Variants in CACHD1 observed in about 807,000 individuals in gnomAD.
CACHD1 encodes the protein cache domain containing 1.
In CACHD1, 71 loss-of-function variants were observed where a neutral mutation model predicts 138.7. The observed-to-expected ratio is 0.51, with a 90% CI of 0.42 to 0.62. CACHD1 has a LOEUF of 0.62. Among genes scored for constraint, CACHD1 ranks in the 20% least tolerant of loss-of-function variants. CACHD1 has a pLI of 0.00. For missense variants in CACHD1, 1,389 were observed against 1,625.3 expected, an observed-to-expected ratio of 0.85 and a Z score of 2.50; for synonymous variants, 578 against 591.5, an observed-to-expected ratio of 0.98 and a Z score of 0.33.
chr1:64,528,083 T>C (rs373939732), intron 1 of CACHD1, among the ~76,000 whole-genome samples: 108 of 152,344 alleles, frequency 7.1e-4, no homozygotes, highest in African/African-American at 2.4e-3. Flanking sequence ...GCAGCACTAC[T>C]TGAGAATTTT....
At chr1:64,627,765 A>T (rs1294257362) in intron 4 of CACHD1, among the ~76,000 whole-genome samples, 1 of 152,190 alleles carries the variant, frequency 6.6e-6, no homozygotes, top group African/African-American at 2.4e-5. Context: ...TATGTTCAAG[A>T]CATGATCTTA....
At chr1:64,656,346 G>A (rs1020071111) in intron 12 of CACHD1, among the ~76,000 whole-genome samples, 1 of 152,090 alleles carries the variant, frequency 6.6e-6, no homozygotes, top group African/African-American at 2.4e-5. Context: ...TAGAATGATA[G>A]CACCATCTGC....
At chr1:64,662,951 C>T (rs1649491041) in intron 13 of CACHD1, among the ~76,000 whole-genome samples, 1 of 152,166 alleles carries the variant, frequency 6.6e-6, no homozygotes, top group South Asian at 2.1e-4. Context: ...AGTTAATACT[C>T]ATTTGCTTTA....
chr1:64,597,699 C>T (rs1441004976), intron 3 of CACHD1, among the ~76,000 whole-genome samples: 2 of 151,804 alleles, frequency 1.3e-5, no homozygotes, highest in African/African-American at 2.4e-5. Flanking sequence ...TCATTACTAA[C>T]TTTTTAAAAG....
intron 2 of CACHD1, among the ~76,000 whole-genome samples, chr1:64,564,377 G>A (rs1232246983): frequency 2.6e-5 from 4 of 151,864 alleles, no homozygotes; most frequent in African/African-American, 9.7e-5. Context: ...CATAACTTGT[G>A]TCGCCACCCC....
At chr1:64,570,040 C>T (rs1219321654) in intron 2 of CACHD1, among the ~76,000 whole-genome samples, 2 of 152,158 alleles carry the variant, frequency 1.3e-5, no homozygotes, top group Non-Finnish European at 2.9e-5. Context: ...CCTAAAATGG[C>T]CGCACCCACT....
At chr1:64,643,590 AC>A (rs1648800468) in intron 8 of CACHD1, among the ~76,000 whole-genome samples, 1 of 152,150 alleles carries the variant, frequency 6.6e-6, no homozygotes, top group South Asian at 2.1e-4. Flanking sequence ...TAATCCCAGC[AC>A]TTTGGGAGGC....
intron 15 of CACHD1, among the ~76,000 whole-genome samples, 186 bp from the exon 16 acceptor site, chr1:64,665,871 G>A (rs1570465648): frequency 6.6e-6 from 1 of 152,140 alleles, no homozygotes; most frequent in African/African-American, 2.4e-5. Context: ...AGGCATGATG[G>A]CGGGTGCCTG....
At chr1:64,598,370 A>G (rs751984210) in intron 3 of CACHD1, among the ~76,000 whole-genome samples, 1 of 152,348 alleles carries the variant, frequency 6.6e-6, no homozygotes, top group Admixed American at 6.5e-5. Flanking sequence ...AATTCAGCAC[A>G]TGTGAGAGAA....
In CACHD1 at chr1:64,675,993, T is replaced by TTAATAATAATAA. The variant is rs6143245; in HGVS notation, c.2975+46_2975+57dup. On this transcript the variant is annotated intron_variant, in intron 21 of 26. Coordinates refer to ENST00000651257, the MANE Select transcript of CACHD1 (RefSeq NM_020925.4). ...CCAATGCAGAGAACCGGTAAAATAA[T>TTAATAATAATAA]TAATAATAATAATAATAATAATAAT... 5 of 421,726 alleles carry TTAATAATAATAA rather than the reference T, an allele frequency of 1.2e-5. No individual in the cohort carries two copies. The highest frequency in any genetic ancestry group is 1.5e-5 in the Non-Finnish European group (4 of 261,440). The allele number at this position is 421,726 out of a possible 1,614,324, so 26.1% of individuals were successfully genotyped here.
Position 64,594,672 on chromosome 1 carries a change from C to T in CACHD1, c.411-8134C>T, listed in dbSNP as rs565388731. Among the ~76,000 whole-genome samples, 7 of 152,324 alleles carry T rather than the reference C, an allele frequency of 4.6e-5. No individual in the cohort carries two copies. The South Asian group carries it at 1.0e-3, about 23-fold the overall frequency. On this transcript the variant is annotated intron_variant, in intron 3 of 26. Transcript: ENST00000651257. ...AATGGGAAACCTGCCTCACTGCTTA[C>T]GCTATTGAATTTCACCAGCTGCCTT...
intron 3 of CACHD1, among the ~76,000 whole-genome samples, chr1:64,595,123 T>C (rs1486928992): frequency 6.6e-6 from 1 of 152,226 alleles, no homozygotes. Context: ...CCAGTTAATC[T>C]CCAAGGTCAT....
rs1372915866 is a variant in CACHD1 at position 64,692,928 on chromosome 1, T to C, written c.*1367T>C. 6.5e-6 allele frequency: 1 copy of C among 152,678 alleles called. No individual in the cohort carries two copies. The highest frequency in any genetic ancestry group is 2.4e-5 in the African/African-American group (1 of 41,470). 9.5% of individuals were successfully genotyped at this position (152,678 alleles called of 1,614,324 possible). ...ATAATGTTTTAATGATAGGGTATTA[T>C]GATACAATGTAAAAAACAATTGGTT... On this transcript the variant is annotated 3_prime_UTR_variant, in exon 27 of 27. Coordinates refer to ENST00000651257, the MANE Select transcript of CACHD1 (RefSeq NM_020925.4).
chr1:64,666,262 C>T (rs1557547491), intron 16 of CACHD1, 95 bp downstream of exon 16: 5 of 688,440 alleles, frequency 7.3e-6, no homozygotes, highest in Non-Finnish European at 4.8e-6. Flanking sequence ...GGCTTAGAGG[C>T]AGAAGCATGA....
At chr1:64,599,629 T>C (rs184264601) in intron 3 of CACHD1, among the ~76,000 whole-genome samples, 2 of 152,284 alleles carry the variant, frequency 1.3e-5, no homozygotes, top group Admixed American at 6.5e-5. Context: ...TGGAGAAATG[T>C]TTATCAAGCA....
At chr1:64,606,392 T>A (rs987360395) in intron 4 of CACHD1, among the ~76,000 whole-genome samples, 1 of 152,000 alleles carries the variant, frequency 6.6e-6, no homozygotes, top group African/African-American at 2.4e-5. Context: ...TTGAATTGAG[T>A]GACTGTTTGG....
chr1:64,565,363 G>A (rs1003669921), intron 2 of CACHD1, among the ~76,000 whole-genome samples: 1 of 152,152 alleles, frequency 6.6e-6, no homozygotes, highest in Non-Finnish European at 1.5e-5. Context: ...GAAGGCAAAA[G>A]AAAGGTTGAG....
At chr1:64,493,834 A>T (rs1646291945) in intron 1 of CACHD1, among the ~76,000 whole-genome samples, 1 of 152,204 alleles carries the variant, frequency 6.6e-6, no homozygotes, top group Non-Finnish European at 1.5e-5. Context: ...CGTGGTTCTC[A>T]TAATCTCCTT....
chr1:64,602,988 T>A lies in CACHD1; in HGVS notation c.517+76T>A, dbSNP rs1027348757. 5.3e-6 allele frequency: 5 copies of A among 937,556 alleles called. No individual in the cohort carries two copies. In the African/African-American group the frequency reaches 9.8e-5, roughly 18 times the overall value. 58.1% of individuals were successfully genotyped at this position (937,556 alleles called of 1,614,324 possible). ...AGTTGAATAAACATATTGCTTCAATTTTTTTTTTTAATTTTTGAAGAGAAG... is the reference window on the plus strand; with the variant it reads ...AGTTGAATAAACATATTGCTTCAATATTTTTTTTTAATTTTTGAAGAGAAG... On this transcript the variant is annotated intron_variant, in intron 4 of 26. Coordinates refer to ENST00000651257, the MANE Select transcript of CACHD1 (RefSeq NM_020925.4).
Sources: gnomAD v4.1 joint callset for allele counts (sites outside exome capture counted in the v4.1 genomes callset) on GRCh38, gnomAD v4.1.1 for gene constraint, MANE v1.5 for transcripts, NCBI Gene and HGNC (gene_info 2026-07-23, HGNC 2026-07-21) for gene names.